AP2A2: variants seen among roughly 807,000 people sequenced by gnomAD.
AP2A2 encodes the protein adaptor related protein complex 2 subunit alpha 2, also known as AP-2 complex subunit alpha-2.
AP2A2 carries 32 observed loss-of-function variants against 104.2 expected under a neutral mutation model. The ratio of observed to expected loss-of-function variants is 0.31; its 90% CI spans 0.23 to 0.41. The LOEUF is 0.41. Among genes scored for constraint, AP2A2 ranks in the 10% least tolerant of loss-of-function variants. The probability of loss-of-function intolerance (pLI) is 1.00; values close to 1 mark genes in which losing one functional copy is unlikely to be tolerated. For synonymous variants in AP2A2, 539 were observed against 533.3 expected (o/e 1.01, Z -0.15); for missense variants, 912 against 1,261.0 (o/e 0.72, Z 4.19).
At chr11:1,005,447 G>A (rs1256957006) in intron 16 of AP2A2, among the ~76,000 whole-genome samples, 2 of 152,218 alleles carry the variant, frequency 1.3e-5, no homozygotes, top group African/African-American at 4.8e-5. Context: ...TGCACTTCCT[G>A]TGCCCTTGTG....
chr11:928,382 G>A (rs116685546), intron 1 of AP2A2, among the ~76,000 whole-genome samples: 279 of 152,326 alleles, frequency 1.8e-3, no homozygotes, highest in African/African-American at 6.3e-3. Context: ...GAAAAAAGCA[G>A]CTTGTATAGG....
chr11:929,179 G>C (rs1433970487), intron 1 of AP2A2, among the ~76,000 whole-genome samples: 4 of 152,208 alleles, frequency 2.6e-5, no homozygotes, highest in African/African-American at 9.7e-5. Flanking sequence ...GGTTTGAGCT[G>C]ATCTGAACTT....
chr11:988,298 C>T (rs529038267), intron 9 of AP2A2, among the ~76,000 whole-genome samples: 5 of 152,248 alleles, frequency 3.3e-5, no homozygotes, highest in African/African-American at 7.2e-5. Context: ...CATGGACGAG[C>T]GGGCAGAATC....
At chr11:927,554 A>T (rs1313122146) in intron 1 of AP2A2, among the ~76,000 whole-genome samples, 3 of 151,358 alleles carry the variant, frequency 2.0e-5, no homozygotes, top group South Asian at 2.1e-4. Flanking sequence ...GGTGGCTCAA[A>T]CCTATAGTCC....
chr11:1,010,579 A>G lies in AP2A2; in HGVS notation c.2774A>G (p.Glu925Gly). The G allele has an allele frequency of 1.3e-6, 2 of 1,599,386 alleles. No individual in the cohort carries two copies. Among genetic ancestry groups the G allele is most frequent in the Non-Finnish European group, 1.7e-6 (2 of 1,173,266 alleles). The change falls in exon 22 of 22, where the codon GAA becomes GGA. Residue 925 changes from glutamate (E) to glycine (G), a missense_variant. Glu to Gly is a moderately conservative substitution (Grantham distance 98). Transcript: ENST00000448903. Reference sequence around the variant, plus strand: ...CGGCTCACGCTGCGCACAAGTAAGGAAGCCGTTTCTCAGAGATTATGTGAA... The same window carrying G: ...CGGCTCACGCTGCGCACAAGTAAGGGAGCCGTTTCTCAGAGATTATGTGAA... ...MYRLTLRTSK[E>G]AVSQRLCELL... is the part of the protein sequence containing the mutation.
intron 14 of AP2A2, among the ~76,000 whole-genome samples, chr11:997,940 T>C (rs1009269154): frequency 6.6e-6 from 1 of 152,138 alleles, no homozygotes; most frequent in African/African-American, 2.4e-5. Flanking sequence ...AAGCCATAGA[T>C]GTATTTGAAT....
intron 6 of AP2A2, among the ~76,000 whole-genome samples, chr11:982,544 G>A (rs192949455): frequency 1.5e-3 from 223 of 151,518 alleles, no homozygotes; most frequent in Non-Finnish European, 2.2e-3. Context: ...TGTTGTTGTC[G>A]TTGGTACTCT....
chr11:960,238 T>G (rs1432243909), intron 2 of AP2A2, among the ~76,000 whole-genome samples: 4 of 116,458 alleles, frequency 3.4e-5, no homozygotes, highest in Admixed American at 1.1e-4. Flanking sequence ...CAGTAGTTTC[T>G]TTTCTTTTCT....
In AP2A2 at chr11:994,205, A is replaced by G; in HGVS notation, c.1916A>G (p.Asn639Ser). ...DTKRDRSVDVNGGPEPAPAST... is the reference protein window; with the variant it reads ...DTKRDRSVDVSGGPEPAPAST... ...AAGCGGGACAGGAGTGTGGACGTGAACGGGGGTCCTGAGCCTGCCCCAGCC... is the reference window on the plus strand; with the variant it reads ...AAGCGGGACAGGAGTGTGGACGTGAGCGGGGGTCCTGAGCCTGCCCCAGCC... Residue 639 changes from asparagine (N) to serine (S), a missense_variant, in exon 14 of 22, where the codon AAC becomes AGC. Asn to Ser is a conservative substitution (Grantham distance 46). Around this residue, in one of 7 missense-constraint regions of AP2A2, gnomAD observed 105 missense variants for 90.9 expected, o/e 1.16. Transcript: ENST00000448903. 1 of 1,612,870 alleles carries G rather than the reference A, an allele frequency of 6.2e-7. No homozygotes were observed. Among genetic ancestry groups the G allele is most frequent in the Non-Finnish European group, 8.5e-7 (1 of 1,179,836 alleles).
rs1338953122 is a variant in AP2A2, at chr11:1,000,131, T to A, written c.1957-301T>A. On this transcript the variant is annotated intron_variant, in intron 14 of 21. Transcript: ENST00000448903. ...TTTTTTTATGTCTTTCATGGCAAAATTTTTTTGAGAATTTTTTTCATTCAA... is the reference window on the plus strand; with the variant it reads ...TTTTTTTATGTCTTTCATGGCAAAAATTTTTTGAGAATTTTTTTCATTCAA... 3.3e-5 allele frequency among the ~76,000 whole-genome samples: 5 copies of A among 152,202 alleles called. No homozygotes were observed. The East Asian group carries it at 9.6e-4, about 29-fold the overall frequency.
At chr11:984,557 C>A in intron 6 of AP2A2, 88 bp from the exon 7 acceptor site, 3 of 1,103,346 alleles carry the variant, frequency 2.7e-6, no homozygotes, top group Non-Finnish European at 4.1e-6. Flanking sequence ...TCAGGCGTGA[C>A]CCGAGGAGTG....
intron 5 of AP2A2, among the ~76,000 whole-genome samples, 176 bp downstream of exon 5, chr11:977,400 G>A (rs529975838): frequency 7.9e-5 from 12 of 151,688 alleles, no homozygotes; most frequent in Non-Finnish European, 1.3e-4. Context: ...GTAAGACTCC[G>A]CCTCTGCTCA....
intron 1 of AP2A2, among the ~76,000 whole-genome samples, chr11:938,648 G>T (rs1348588849): frequency 6.6e-6 from 1 of 151,696 alleles, no homozygotes; most frequent in Non-Finnish European, 1.5e-5. Flanking sequence ...CTAATTTTTG[G>T]TATTTTTAGT....
In AP2A2 at chr11:1,011,352, G is replaced by GT. The variant is rs769162027; in HGVS notation, c.*728dup. 1.9e-6 allele frequency: 1 copy of GT among 518,530 alleles called. No individual in the cohort carries two copies. Among genetic ancestry groups the GT allele is most frequent in the East Asian group, 5.5e-5 (1 of 18,340 alleles). The allele number at this position is 518,530 out of a possible 1,614,324, so 32.1% of individuals were successfully genotyped here. ...CCCGCAGGGCCCCCAGGACTCCAGG[G>GT]TAAAGTGTGGGCCGGTGGCGCAAGA... On this transcript the variant is annotated 3_prime_UTR_variant, in exon 22 of 22. Coordinates refer to ENST00000448903, the MANE Select transcript of AP2A2 (RefSeq NM_012305.4).
intron 5 of AP2A2, among the ~76,000 whole-genome samples, chr11:979,793 C>T (rs1589988338): frequency 6.6e-6 from 1 of 152,174 alleles, no homozygotes; most frequent in East Asian, 1.9e-4. Context: ...TCTTGAGCTC[C>T]TGACCTCAGG....
chr11:958,888 T>C (rs572417493), intron 1 of AP2A2, among the ~76,000 whole-genome samples: 3 of 152,302 alleles, frequency 2.0e-5, no homozygotes, highest in Non-Finnish European at 4.4e-5. Context: ...CGGGCACATC[T>C]GAGCTGAGTC....
At chr11:932,210 C>T (rs1853314249) in intron 1 of AP2A2, among the ~76,000 whole-genome samples, 1 of 152,206 alleles carries the variant, frequency 6.6e-6, no homozygotes, top group South Asian at 2.1e-4. Context: ...GCCTCGGCCT[C>T]CCAAAGTGCT....
intron 1 of AP2A2, chr11:940,809 G>T (rs977467761): frequency 1.3e-5 from 6 of 456,196 alleles, no homozygotes; most frequent in Admixed American, 2.3e-5. Flanking sequence ...TTTGGCAGGG[G>T]CCTTCGCTGC....
chr11:985,378 C>T, intron 7 of AP2A2, 57 bp from the exon 8 acceptor site: 1 of 1,574,222 alleles, frequency 6.4e-7, no homozygotes, highest in Non-Finnish European at 8.6e-7. Flanking sequence ...CCGGGAGGGG[C>T]AGGGTGGGCT....
Sources: gnomAD v4.1 joint callset for allele counts (sites outside exome capture counted in the v4.1 genomes callset) on GRCh38, gnomAD v4.1.1 for gene constraint, gnomAD v4.1.1 regional missense constraint, MANE v1.5 for transcripts, NCBI Gene and HGNC (gene_info 2026-07-23, HGNC 2026-07-21) for gene names.